The following GSDMC variants were observed in gnomAD, a reference collection of about 807,000 sequenced individuals.
GSDMC encodes the protein gasdermin-C.
In GSDMC, 59 loss-of-function variants were observed where a neutral mutation model predicts 58.0. The observed-to-expected ratio is 1.02, with a 90% confidence interval of 0.82 to 1.26. GSDMC has a LOEUF of 1.26. Among genes scored for constraint, GSDMC ranks in the 50% most tolerant of loss-of-function variants. The probability of loss-of-function intolerance (pLI) is 0.00; values close to 1 mark genes in which losing one functional copy is unlikely to be tolerated. For missense variants in GSDMC, 659 were observed against 598.5 expected (o/e 1.10, Z -1.06); for synonymous variants, 241 against 220.2 (o/e 1.09, Z -0.83).
At chr8:129,719,616 C>T in the GSDMC span, among the ~76,000 whole-genome samples, 1 of 152,266 alleles carries the variant, frequency 6.6e-6, no homozygotes, top group East Asian at 1.9e-4. Context: ...AGGTAGATCA[C>T]ATTTTGGGTC....
chr8:129,749,880 A>C, intron 12 of GSDMC, 110 bp downstream of exon 12: 1 of 850,454 alleles, frequency 1.2e-6, no homozygotes, highest in Non-Finnish European at 1.8e-6. Flanking sequence ...GTAAGGACGA[A>C]AGATCATGGC....
chr8:129,742,901 T>C, the GSDMC span, among the ~76,000 whole-genome samples: 1 of 152,222 alleles, frequency 6.6e-6, no homozygotes, highest in Non-Finnish European at 1.5e-5. Flanking sequence ...TTGCTGAAAA[T>C]TATTGTCAAT....
intron 6 of GSDMC, among the ~76,000 whole-genome samples, chr8:129,756,748 G>C (rs944637817): frequency 6.6e-6 from 1 of 152,058 alleles, no homozygotes; most frequent in South Asian, 2.1e-4. Context: ...TCAACAATAA[G>C]AGGAATTTTG....
the GSDMC span, among the ~76,000 whole-genome samples, chr8:129,740,693 G>A: frequency 6.6e-6 from 1 of 152,088 alleles, no homozygotes; most frequent in Admixed American, 6.6e-5. Flanking sequence ...TTAGAATGTA[G>A]CTCCATCATT....
chr8:129,743,424 G>A (rs544535940), downstream of GSDMC, among the ~76,000 whole-genome samples: 25 of 151,914 alleles, frequency 1.6e-4, no homozygotes, highest in Middle Eastern at 3.4e-3. Context: ...ATTCCATTTC[G>A]TTATTTTCAA....
chr8:129,775,998 G>T (rs1450582223), intron 3 of GSDMC, 104 bp downstream of exon 3: 3 of 900,224 alleles, frequency 3.3e-6, no homozygotes, highest in African/African-American at 1.7e-5. Flanking sequence ...TCATCATCTT[G>T]ATTTTCATCC....
intron 10 of GSDMC, 80 bp from the exon 11 acceptor site, chr8:129,750,650 CACGAATATGA>C: frequency 7.0e-7 from 1 of 1,433,758 alleles, no homozygotes; most frequent in Admixed American, 1.8e-5. Context: ...AGCCTGTTTG[CACGAATATGA>C]ACCAAACTCC....
intron 5 of GSDMC, among the ~76,000 whole-genome samples, chr8:129,762,173 A>T (rs2033687397): frequency 1.3e-5 from 2 of 152,200 alleles, no homozygotes; most frequent in African/African-American, 4.8e-5. Context: ...TAAAATTCTG[A>T]CTTATGTTCT....
At position 129,762,692 on chromosome 8, in the gene GSDMC, CCTT is replaced by C. The variant is rs764720429; in HGVS notation, c.607_609del (p.Lys203del). On this transcript the variant is annotated inframe_deletion, in exon 5 of 14. Coordinates refer to ENST00000276708, the MANE Select transcript of GSDMC (RefSeq NM_031415.3). ...ACCATGCCTTTCTGAAGAGTCAGCG[CCTT>C]CTTCTTCACTCTGAGACTCTCTCCT... 47 of 1,613,874 alleles carry C rather than the reference CCTT, an allele frequency of 2.9e-5. 1 individual carries two copies. The South Asian group carries it at 4.8e-4, about 17-fold the overall frequency.
Position 129,750,470 on chromosome 8 carries a change from C to T in GSDMC, c.1044G>A (p.Met348Ile). The T allele has an allele frequency of 6.2e-7, 1 of 1,613,986 alleles. No individual in the cohort carries two copies. Residue 348 changes from methionine (M) to isoleucine (I), a missense_variant, in exon 11 of 14, where the codon ATG becomes ATA. Met to Ile is a conservative substitution (Grantham distance 10). Transcript: ENST00000276708. ...CCTGTAGAGCCCCTCTGTCTCTGAG[C>T]ATGGCCAGGATACTGTAGAACATGA... The part of the protein sequence containing the change: ...QDVMFYSILA[M>I]LRDRGALQDL...
At chr8:129,748,098 G>A (rs139638969), downstream of GSDMC, 444 of 153,538 alleles carry the variant, frequency 2.9e-3, 1 homozygote, top group African/African-American at 0.01. Flanking sequence ...TCACTTATCT[G>A]TCTATCATCA....
At chr8:129,710,130 C>A in the GSDMC span, among the ~76,000 whole-genome samples, 1 of 151,912 alleles carries the variant, frequency 6.6e-6, no homozygotes, top group Admixed American at 6.5e-5. Flanking sequence ...TATTTTTTTT[C>A]TGGGTGCTTT....
intron 5 of GSDMC, among the ~76,000 whole-genome samples, chr8:129,762,144 A>C (rs1207941472): frequency 6.6e-6 from 1 of 152,178 alleles, no homozygotes; most frequent in Non-Finnish European, 1.5e-5. Context: ...GAGGCTGATG[A>C]AGGAGGGAAA....
chr8:129,775,526 G>A (rs1302788220), intron 3 of GSDMC, among the ~76,000 whole-genome samples: 1 of 151,966 alleles, frequency 6.6e-6, no homozygotes, highest in African/African-American at 2.4e-5. Context: ...CAAAAAAAAT[G>A]ATAACTAGGT....
At chr8:129,782,689 A>G (rs1351342502) in intron 1 of GSDMC, among the ~76,000 whole-genome samples, 1 of 152,156 alleles carries the variant, frequency 6.6e-6, no homozygotes, top group Admixed American at 6.5e-5. Context: ...CAGATCAATA[A>G]CAAGTAATGA....
At chr8:129,720,970 T>C in the GSDMC span, among the ~76,000 whole-genome samples, 29 of 152,350 alleles carry the variant, frequency 1.9e-4, no homozygotes, top group Non-Finnish European at 3.8e-4. Flanking sequence ...GAAGATGGGC[T>C]GGAAGAAGTT....
At chr8:129,774,927 C>T (rs959895779) in intron 3 of GSDMC, among the ~76,000 whole-genome samples, 1 of 152,008 alleles carries the variant, frequency 6.6e-6, no homozygotes, top group Non-Finnish European at 1.5e-5. Flanking sequence ...TCAGTGTTGG[C>T]AAAGATGTGA....
rs769904707 is a variant in GSDMC at position 129,760,556 on chromosome 8, G to C, written c.710C>G (p.Thr237Ser). ...ILISDDDEQR[T>S]FQDEYEISEM... The stretch of plus-strand genomic sequence containing the variant: ...GCTTTGGAACTCACCATCTTGAAAG[G>C]TTCTCTGTTCATCATCATCTGAGAT... Residue 237 changes from threonine to serine, a missense_variant, in exon 6 of 14, where the codon ACC (threonine) becomes AGC (serine). Thr to Ser is a moderately conservative substitution (Grantham distance 58, BLOSUM62 1). Transcript: ENST00000276708. The C allele has an allele frequency of 1.8e-5, 29 of 1,596,880 alleles. No individual in the cohort carries two copies. The highest frequency in any genetic ancestry group is 3.3e-4 in the Middle Eastern group (2 of 6,054).
the GSDMC span, among the ~76,000 whole-genome samples, chr8:129,734,971 C>T: frequency 2.0e-5 from 3 of 151,966 alleles, no homozygotes; most frequent in Non-Finnish European, 2.9e-5. Flanking sequence ...ATCTACCAAG[C>T]AAATGGAAAG....
Sources: allele counts gnomAD v4.1 joint callset (sites outside exome capture counted in the v4.1 genomes callset), GRCh38; gene constraint gnomAD v4.1.1; transcripts MANE v1.5; gene names NCBI Gene and HGNC (gene_info 2026-07-23, HGNC 2026-07-21).